ITPA: variants seen among roughly 807,000 people sequenced by gnomAD.
The protein encoded by ITPA is inosine triphosphate pyrophosphatase.
Under a neutral mutation model 29.6 loss-of-function variants are expected in ITPA, and 29 were observed. The observed-to-expected ratio is 0.98, with a 90% CI of 0.73 to 1.34. The LOEUF is 1.34. Ranked by LOEUF, ITPA falls within the 40% of genes most tolerant of loss-of-function variation. ITPA has a pLI of 0.00. For synonymous variants in ITPA, 103 were observed against 99.3 expected (o/e 1.04, Z -0.22); for missense variants, 241 against 251.5 (o/e 0.96, Z 0.28).
chr20:3,218,073 A>T (rs1448523504), intron 5 of ITPA, among the ~76,000 whole-genome samples: 1 of 151,708 alleles, frequency 6.6e-6, no homozygotes, highest in Non-Finnish European at 1.5e-5. Flanking sequence ...ATCAGCCACC[A>T]CGCCCGGCTA....
At chr20:3,210,641 A>AGGC (rs2122286459) in intron 1 of ITPA, among the ~76,000 whole-genome samples, 1 of 152,254 alleles carries the variant, frequency 6.6e-6, no homozygotes, top group East Asian at 1.9e-4. Flanking sequence ...TTTGCCGAAA[A>AGGC]AAGGTTTGGG....
chr20:3,214,363 CTTTTTTT>C (rs57982806), intron 4 of ITPA, among the ~76,000 whole-genome samples: 12,083 of 112,970 alleles, frequency 0.11, 1,403 homozygotes, highest in African/African-American at 0.3. Flanking sequence ...TTCTTCCTTT[CTTTTTTT>C]TTTTTTTTTT....
intron 7 of ITPA, 111 bp downstream of exon 7, chr20:3,222,028 C>A: frequency 9.7e-7 from 1 of 1,036,068 alleles, no homozygotes; most frequent in Non-Finnish European, 1.5e-6. Flanking sequence ...AGGGGAGGCT[C>A]CCAGGGTGCT....
chr20:3,220,653 A>G (rs570916137), intron 6 of ITPA, among the ~76,000 whole-genome samples: 8 of 151,830 alleles, frequency 5.3e-5, no homozygotes, highest in Non-Finnish European at 8.8e-5. Context: ...GGCTCAAGTC[A>G]TCCTCCCACC....
upstream of ITPA, among the ~76,000 whole-genome samples, chr20:3,206,164 G>A (rs572800887): frequency 6.6e-6 from 1 of 151,970 alleles, no homozygotes; most frequent in South Asian, 2.1e-4. Flanking sequence ...TGAGGTGGGT[G>A]GATCACCTGA....
Position 3,221,823 on chromosome 20 carries a change from C to A in ITPA, c.412-18C>A, listed in dbSNP as rs1238339105. ...CTCTGGACCCAGTTACACACCTGTC[C>A]CCCCTTTCCTGTGGCAGGGCCGGAT... On this transcript the variant is annotated intron_variant, in intron 6 of 7. Transcript: ENST00000380113. The A allele has an allele frequency of 8.7e-6, 14 of 1,613,414 alleles. No homozygotes were observed. The highest frequency in any genetic ancestry group is 1.2e-5 in the Non-Finnish European group (14 of 1,179,462).
chr20:3,215,052 A>T (rs1199589357), intron 4 of ITPA, among the ~76,000 whole-genome samples: 1 of 151,628 alleles, frequency 6.6e-6, no homozygotes, highest in Admixed American at 6.6e-5. Flanking sequence ...TTTTTTGTAG[A>T]GATAGGATTT....
upstream of ITPA, among the ~76,000 whole-genome samples, chr20:3,205,512 G>A (rs983065362): frequency 6.6e-6 from 1 of 151,992 alleles, no homozygotes; most frequent in Non-Finnish European, 1.5e-5. Context: ...GACCAGCCTG[G>A]GCAACATGAT....
chr20:3,223,274 T>C (rs1212326484), intron 7 of ITPA, 92 bp from the exon 8 acceptor site: 2 of 927,414 alleles, frequency 2.2e-6, no homozygotes, highest in Non-Finnish European at 3.4e-6. Context: ...TCTGTGAGCT[T>C]TGGTCTCCAG....
chr20:3,214,003 G>A lies in ITPA; in HGVS notation c.208G>A (p.Val70Ile), dbSNP rs2067232465. Residue 70 changes from valine (V) to isoleucine (I), a missense_variant, in exon 4 of 8, where the codon GTT becomes ATT. By Grantham distance (29) the Val-to-Ile change is conservative. Coordinates refer to ENST00000380113, the MANE Select transcript of ITPA (RefSeq NM_033453.4). The stretch of plus-strand genomic sequence containing the variant: ...GCTGCAGGTACAGGGGCCCGTGCTG[G>A]TTGAGGACACTTGTCTGTGCTTCAA... ...AVRQVQGPVL[V>I]EDTCLCFNAL... 2.5e-6 allele frequency: 4 copies of A among 1,614,064 alleles called. No individual in the cohort carries two copies. Among genetic ancestry groups the A allele is most frequent in the South Asian group, 1.1e-5 (1 of 91,092 alleles).
At chr20:3,217,916 G>GT (rs761335415) in intron 5 of ITPA, among the ~76,000 whole-genome samples, 79 of 96,828 alleles carry the variant, frequency 8.2e-4, no homozygotes, top group Middle Eastern at 4.9e-3. Flanking sequence ...GTTTTTTTTT[G>GT]TTTTTGTTTT....
intron 4 of ITPA, among the ~76,000 whole-genome samples, chr20:3,214,298 A>G (rs1397310213): frequency 6.6e-6 from 1 of 151,816 alleles, no homozygotes; most frequent in Non-Finnish European, 1.5e-5. Context: ...ATTCATAGGT[A>G]GATTAATTTC....
At chr20:3,217,905 G>GTTTTTT (rs372604621) in intron 5 of ITPA, among the ~76,000 whole-genome samples, 9 of 146,300 alleles carry the variant, frequency 6.2e-5, no homozygotes, top group East Asian at 2.1e-4. Context: ...AGTTTTTGTG[G>GTTTTTT]GTTTTTTTTT....
intron 6 of ITPA, among the ~76,000 whole-genome samples, chr20:3,221,127 A>G (rs2067451768): frequency 6.6e-6 from 1 of 151,692 alleles, no homozygotes; most frequent in African/African-American, 2.4e-5. Context: ...CCTGGGCTCA[A>G]GTGATCTTCC....
intron 7 of ITPA, among the ~76,000 whole-genome samples, chr20:3,222,943 G>A (rs556054587): frequency 1.3e-5 from 2 of 152,350 alleles, no homozygotes; most frequent in East Asian, 1.9e-4. Context: ...ACCTCACTGC[G>A]GTGCTGGCAT....
chr20:3,224,989 G>C (rs1256283434), downstream of ITPA, among the ~76,000 whole-genome samples: 1 of 152,198 alleles, frequency 6.6e-6, no homozygotes, highest in Admixed American at 6.5e-5. Context: ...AGGATCGCTT[G>C]AGCCCAGGAC....
intron 6 of ITPA, among the ~76,000 whole-genome samples, chr20:3,219,603 G>C (rs1267554541): frequency 2.0e-5 from 3 of 151,804 alleles, no homozygotes; most frequent in Non-Finnish European, 4.4e-5. Flanking sequence ...AAAATATCTG[G>C]GCATGGTGGC....
At chr20:3,219,066 CA>C (rs758486111) in intron 6 of ITPA, 4 of 206,462 alleles carry the variant, frequency 1.9e-5, no homozygotes, top group African/African-American at 4.7e-5. Context: ...TGAGAAACCA[CA>C]CTTGGATCAA....
chr20:3,211,136 G>C (rs987039586), intron 1 of ITPA, among the ~76,000 whole-genome samples: 1 of 150,212 alleles, frequency 6.7e-6, no homozygotes, highest in African/African-American at 2.4e-5. Flanking sequence ...GGAGAACATG[G>C]ACTTGAACAC....
Sources: gnomAD v4.1 joint callset for allele counts (sites outside exome capture counted in the v4.1 genomes callset) on GRCh38, gnomAD v4.1.1 for gene constraint, MANE v1.5 for transcripts, NCBI Gene and HGNC (gene_info 2026-07-23, HGNC 2026-07-21) for gene names.